Variants in FAM13A observed in about 807,000 individuals in gnomAD.
The protein encoded by FAM13A is family with sequence similarity 13 member A, also known as protein FAM13A.
FAM13A carries 76 observed loss-of-function variants against 129.6 expected under a neutral mutation model. That is an observed-to-expected ratio of 0.59 (90% CI 0.49 to 0.71). The LOEUF (loss-of-function observed/expected upper bound fraction) is 0.71, where lower values mean the gene tolerates loss of function less well. Among genes scored for constraint, FAM13A ranks in the 30% least tolerant of loss-of-function variants. FAM13A has a pLI of 0.00. For missense variants in FAM13A, 1,108 were observed against 1,249.3 expected, an observed-to-expected ratio of 0.89 and a Z score of 1.70; for synonymous variants, 443 against 449.9, an observed-to-expected ratio of 0.98 and a Z score of 0.20.
At position 89,002,747 on chromosome 4, in the gene FAM13A, A is replaced by G. The variant is rs188016752; in HGVS notation, c.428-11597T>C. On this transcript the variant is annotated intron_variant, in intron 3 of 23. Coordinates refer to ENST00000264344, the MANE Select transcript of FAM13A (RefSeq NM_014883.4). ...ATAAAGACAAAAAGAAAACCCATAA[A>G]CAGATAATACAGAGAAAAGAAGAAA... 1.3e-4 allele frequency among the ~76,000 whole-genome samples: 20 copies of G among 152,340 alleles called. No homozygotes were observed. The East Asian group carries it at 3.5e-3, about 26-fold the overall frequency.
At chr4:88,923,039 G>C (rs1486486199) in intron 5 of FAM13A, among the ~76,000 whole-genome samples, 1 of 152,186 alleles carries the variant, frequency 6.6e-6, no homozygotes, top group African/African-American at 2.4e-5. Flanking sequence ...AACAGGCTCT[G>C]AAATTGTGGC....
chr4:88,948,297 G>A (rs576737246), intron 4 of FAM13A, among the ~76,000 whole-genome samples: 13 of 152,166 alleles, frequency 8.5e-5, no homozygotes, highest in African/African-American at 2.9e-4. Flanking sequence ...TTCTTCTATT[G>A]TAAAATAGAA....
At chr4:88,753,414 G>A (rs141286432) in intron 14 of FAM13A, among the ~76,000 whole-genome samples, 62 of 152,206 alleles carry the variant, frequency 4.1e-4, no homozygotes, top group African/African-American at 1.4e-3. Flanking sequence ...TTTTCCTAGC[G>A]TCTCCCATGG....
chr4:88,781,897 G>A (rs537015660), intron 10 of FAM13A, among the ~76,000 whole-genome samples: 1 of 151,100 alleles, frequency 6.6e-6, no homozygotes, highest in African/African-American at 2.4e-5. Flanking sequence ...GCTAAATGAC[G>A]AGTTAATGGG....
chr4:88,893,844 G>GA (rs1323767472), intron 6 of FAM13A, among the ~76,000 whole-genome samples: 5 of 116,166 alleles, frequency 4.3e-5, no homozygotes, highest in Admixed American at 4.3e-4. Context: ...AAAAAAAAAA[G>GA]AAACAGTTCA....
At chr4:88,817,732 T>C in intron 7 of FAM13A, among the ~76,000 whole-genome samples, 1 of 152,228 alleles carries the variant, frequency 6.6e-6, no homozygotes, top group Middle Eastern at 3.2e-3. Flanking sequence ...TCAAGAAATT[T>C]GGTTCAATTC....
At chr4:88,808,062 T>C (rs1728935162) in intron 7 of FAM13A, among the ~76,000 whole-genome samples, 1 of 152,178 alleles carries the variant, frequency 6.6e-6, no homozygotes, top group Non-Finnish European at 1.5e-5. Context: ...AAAAACAATA[T>C]AATTTGGAAA....
intron 1 of FAM13A, among the ~76,000 whole-genome samples, chr4:89,033,996 A>G (rs1260030311): frequency 1.3e-5 from 2 of 152,190 alleles, no homozygotes; most frequent in African/African-American, 4.8e-5. Flanking sequence ...ACCCTAGGAA[A>G]TATCCTTGCG....
chr4:88,879,928 A>G (rs1743246080), intron 6 of FAM13A, among the ~76,000 whole-genome samples: 1 of 152,204 alleles, frequency 6.6e-6, no homozygotes, highest in Non-Finnish European at 1.5e-5. Context: ...ATTCAGGCTG[A>G]ATTTTTATTC....
chr4:89,047,360 C>T (rs1770999585), intron 1 of FAM13A, among the ~76,000 whole-genome samples: 1 of 152,002 alleles, frequency 6.6e-6, no homozygotes, highest in Admixed American at 6.6e-5. Flanking sequence ...ACACGTGTTA[C>T]TATCACAACA....
intron 1 of FAM13A, among the ~76,000 whole-genome samples, chr4:89,040,529 T>C (rs986551543): frequency 6.0e-4 from 92 of 152,300 alleles, no homozygotes; most frequent in Middle Eastern, 3.4e-3. Flanking sequence ...TATAGAGACA[T>C]AGACAATCAT....
intron 10 of FAM13A, among the ~76,000 whole-genome samples, chr4:88,783,742 A>G (rs1214222064): frequency 2.0e-5 from 3 of 152,136 alleles, no homozygotes; most frequent in Non-Finnish European, 4.4e-5. Context: ...AAGAGTAACA[A>G]GGGTGGGACC....
chr4:88,997,909 C>T (rs999852278), intron 3 of FAM13A, among the ~76,000 whole-genome samples: 16 of 152,176 alleles, frequency 1.1e-4, no homozygotes, highest in Non-Finnish European at 1.8e-4. Flanking sequence ...ACTTGCTAAT[C>T]TATTAGATAT....
At chr4:89,041,271 T>C (rs1398660299) in intron 1 of FAM13A, among the ~76,000 whole-genome samples, 1 of 152,140 alleles carries the variant, frequency 6.6e-6, no homozygotes, top group Non-Finnish European at 1.5e-5. Flanking sequence ...GATAAATACT[T>C]GAGGTGATCA....
intron 5 of FAM13A, among the ~76,000 whole-genome samples, chr4:88,909,774 C>G (rs185317593): frequency 3.9e-5 from 6 of 152,092 alleles, no homozygotes; most frequent in African/African-American, 1.4e-4. Context: ...AGTGAGCCAC[C>G]GTACCCAGCT....
intron 5 of FAM13A, 57 bp downstream of exon 5, chr4:88,938,031 T>C (rs1754122666): frequency 7.4e-7 from 1 of 1,358,928 alleles, no homozygotes; most frequent in Non-Finnish European, 1.0e-6. Context: ...AAGAATTAAA[T>C]AAAATCTTCT....
At chr4:89,022,472 T>C (rs1412822215) in intron 2 of FAM13A, among the ~76,000 whole-genome samples, 4 of 152,056 alleles carry the variant, frequency 2.6e-5, no homozygotes, top group African/African-American at 4.8e-5. Context: ...CTGAAAAAAA[T>C]TGTGACACTA....
At chr4:88,879,741 C>T (rs1379932) in intron 6 of FAM13A, among the ~76,000 whole-genome samples, 39,241 of 152,070 alleles carry the variant, frequency 0.26, 5,425 homozygotes, top group South Asian at 0.46. Context: ...TCCTTGGGTA[C>T]AATAACTGGT....
intron 7 of FAM13A, among the ~76,000 whole-genome samples, chr4:88,815,945 T>C (rs1730633593): frequency 6.6e-6 from 1 of 151,842 alleles, no homozygotes; most frequent in South Asian, 2.1e-4. Flanking sequence ...TATTAATAGT[T>C]GCTATCTGTA....
Sources: gnomAD v4.1 joint callset for allele counts (sites outside exome capture counted in the v4.1 genomes callset) on GRCh38, gnomAD v4.1.1 for gene constraint, MANE v1.5 for transcripts, NCBI Gene and HGNC (gene_info 2026-07-23, HGNC 2026-07-21) for gene names.